Variants in ZNF676 observed in about 807,000 individuals in gnomAD.
ZNF676 encodes zinc finger protein 676.
Under a neutral mutation model 6.0 loss-of-function variants are expected in ZNF676, and 4 were observed. The observed-to-expected ratio is 0.67, with a 90% CI of 0.33 to 1.53. The LOEUF (loss-of-function observed/expected upper bound fraction) is 1.53, where lower values mean the gene tolerates loss of function less well. Ranked by LOEUF, ZNF676 falls within the 40% of genes most tolerant of loss-of-function variation. ZNF676 has a pLI of 0.06. For missense variants in ZNF676, 644 were observed against 679.7 expected, an observed-to-expected ratio of 0.95 and a Z score of 0.58; for synonymous variants, 198 against 223.1, an observed-to-expected ratio of 0.89 and a Z score of 1.00.
At chr19:22,252,885 G>T in the ZNF676 span, among the ~76,000 whole-genome samples, 4 of 152,208 alleles carry the variant, frequency 2.6e-5, no homozygotes, top group Non-Finnish European at 5.9e-5. Context: ...TTGCTCAAGT[G>T]CTAGGCTGAG....
At chr19:22,223,159 A>G in the ZNF676 span, among the ~76,000 whole-genome samples, 5 of 152,068 alleles carry the variant, frequency 3.3e-5, no homozygotes, top group Non-Finnish European at 7.4e-5. Context: ...AGTGGGAGCA[A>G]GTTGAGTTGG....
intron 1 of ZNF676, among the ~76,000 whole-genome samples, chr19:22,209,835 T>C (rs2024112626): frequency 6.6e-6 from 1 of 152,160 alleles, no homozygotes; most frequent in Non-Finnish European, 1.5e-5. Context: ...ATTCCGTGTC[T>C]GAAAATAGGG....
upstream of ZNF676, among the ~76,000 whole-genome samples, chr19:22,199,987 C>A (rs1258180964): frequency 1.3e-5 from 2 of 152,060 alleles, no homozygotes; most frequent in Non-Finnish European, 2.9e-5. Flanking sequence ...CTAATCAGTT[C>A]TTTGAGGCAA....
chr19:22,255,337 C>T, the ZNF676 span, among the ~76,000 whole-genome samples: 1 of 152,186 alleles, frequency 6.6e-6, no homozygotes, highest in South Asian at 2.1e-4. Context: ...GTGTCATAAT[C>T]TCACCTGTGT....
Position 22,180,572 on chromosome 19 carries a change from G to A in ZNF676, c.1145C>T (p.Thr382Ile), listed in dbSNP as rs1478893948. The change falls in exon 3 of 3, where the codon ACA becomes ATA. Residue 382 changes from threonine (T) to isoleucine (I), a missense_variant. Coordinates refer to ENST00000397121, the MANE Select transcript of ZNF676 (RefSeq NM_001001411.3). ...CTCTTCAGCATGAATTGCCTTATGT[G>A]TATTAAGGGTTGAGACCTTACTAAA... ...KAFSKVSTLN[T>I]HKAIHAEEKP... is the part of the protein sequence containing the mutation. The A allele has an allele frequency of 6.2e-7, 1 of 1,603,918 alleles. No individual in the cohort carries two copies. The highest frequency in any genetic ancestry group is 8.5e-7 in the Non-Finnish European group (1 of 1,177,068).
chr19:22,260,286 G>A, the ZNF676 span, among the ~76,000 whole-genome samples: 5 of 152,132 alleles, frequency 3.3e-5, no homozygotes, highest in South Asian at 2.1e-4. Flanking sequence ...TGAGGTAGAC[G>A]GATCACCTGA....
the ZNF676 span, among the ~76,000 whole-genome samples, chr19:22,253,593 AC>A: frequency 6.6e-6 from 1 of 151,670 alleles, no homozygotes; most frequent in Non-Finnish European, 1.5e-5. Flanking sequence ...GTGGCCCCAA[AC>A]CCAGGACTAA....
chr19:22,246,423 T>C, the ZNF676 span, among the ~76,000 whole-genome samples: 1 of 151,896 alleles, frequency 6.6e-6, no homozygotes, highest in Non-Finnish European at 1.5e-5. Context: ...TCACAATACC[T>C]CCTGAGGAAA....
At chr19:22,255,431 A>G in the ZNF676 span, among the ~76,000 whole-genome samples, 5,007 of 152,232 alleles carry the variant, frequency 0.033, 262 homozygotes, top group African/African-American at 0.11. Flanking sequence ...TGAGATTTTC[A>G]TGCTGGTATA....
intron 2 of ZNF676, among the ~76,000 whole-genome samples, chr19:22,184,503 A>G (rs2023805327): frequency 6.6e-6 from 1 of 152,050 alleles, no homozygotes; most frequent in South Asian, 2.1e-4. Context: ...TAGTGCCCAG[A>G]AGGCCAGTGA....
chr19:22,181,496 C>T lies in ZNF676; in HGVS notation c.221G>A (p.Cys74Tyr). 1 of 1,613,404 alleles carries T rather than the reference C, an allele frequency of 6.2e-7. No homozygotes were observed. Among genetic ancestry groups the T allele is most frequent in the Non-Finnish European group, 8.5e-7 (1 of 1,179,710 alleles). The change falls in exon 3 of 3, where the codon TGT becomes TAT. Residue 74 changes from cysteine (C) to tyrosine (Y), a missense_variant. By Grantham distance (194) the Cys-to-Tyr change is radical. Transcript: ENST00000397121. ...QKMILRRYDK[C>Y]GHENLHLKIS... is the part of the protein sequence containing the mutation. ...TTTTAAGTGTAAATTCTCATGTCCA[C>T]ATTTGTCATATCTTCTCAATATCAT...
At position 22,212,719 on chromosome 19, in the gene ZNF676, G is replaced by A. The variant is rs111497034; in HGVS notation, c.3+2913C>T. ...AACACTGTCTAAAACAAAAAAGTCC[G>A]TGTGCGGTGGCTCACGTCTGTAATC... On this transcript the variant is annotated intron_variant, in intron 1 of 3. Coordinates refer to the ZNF676 transcript ENST00000650058. Among the ~76,000 whole-genome samples the A allele has an allele frequency of 4.5e-3, 674 of 149,394 alleles. 4 individuals carry two copies. Among genetic ancestry groups the A allele is most frequent in the African/African-American group, 0.016 (633 of 40,422 alleles).
chr19:22,253,404 G>GTATATATATATATATATA, the ZNF676 span, among the ~76,000 whole-genome samples: 16 of 97,016 alleles, frequency 1.6e-4, no homozygotes, highest in East Asian at 3.1e-4. Flanking sequence ...ATGATAATGT[G>GTATATATATATATATATA]TATATATATA....
upstream of ZNF676, among the ~76,000 whole-genome samples, chr19:22,216,106 G>A (rs1177365321): frequency 6.6e-6 from 1 of 152,190 alleles, no homozygotes; most frequent in Non-Finnish European, 1.5e-5. Context: ...TTTTGTACAA[G>A]AGTAAATCAA....
intron 1 of ZNF676, among the ~76,000 whole-genome samples, chr19:22,206,552 G>A (rs1441728429): frequency 6.6e-6 from 1 of 151,984 alleles, no homozygotes; most frequent in Non-Finnish European, 1.5e-5. Flanking sequence ...GCACACACCT[G>A]TAATCCCAGC....
At chr19:22,226,803 T>A in the ZNF676 span, among the ~76,000 whole-genome samples, 1 of 152,122 alleles carries the variant, frequency 6.6e-6, no homozygotes, top group African/African-American at 2.4e-5. Context: ...TTCACCATGT[T>A]GGTCTGGCTG....
chr19:22,213,295 T>A (rs1457963097), intron 1 of ZNF676, among the ~76,000 whole-genome samples: 1 of 152,104 alleles, frequency 6.6e-6, no homozygotes, highest in African/African-American at 2.4e-5. Flanking sequence ...CTTTTTACCA[T>A]TTTTCTTTCA....
the ZNF676 span, chr19:22,259,768 A>G: frequency 2.0e-5 from 3 of 152,186 alleles, no homozygotes; most frequent in African/African-American, 4.8e-5. Context: ...ATATGTCACA[A>G]TGTTTTCTGA....
At chr19:22,200,122 CT>C (rs1360141726), upstream of ZNF676, among the ~76,000 whole-genome samples, 6 of 150,854 alleles carry the variant, frequency 4.0e-5, no homozygotes, top group African/African-American at 1.2e-4. Context: ...ATTGTAAGTT[CT>C]TTTTTTTTAA....
Sources: gnomAD v4.1 joint callset for allele counts (sites outside exome capture counted in the v4.1 genomes callset) on GRCh38, gnomAD v4.1.1 for gene constraint, MANE v1.5 for transcripts, NCBI Gene and HGNC (gene_info 2026-07-23, HGNC 2026-07-21) for gene names.